The following FBXL17 variants were observed in gnomAD, a reference collection of about 807,000 sequenced individuals.
FBXL17 encodes F-box/LRR-repeat protein 17.
FBXL17 carries 22 observed loss-of-function variants against 66.2 expected under a neutral mutation model. The observed-to-expected ratio is 0.33, with a 90% CI of 0.24 to 0.47. FBXL17 has a LOEUF of 0.47. Ranked by LOEUF, FBXL17 falls within the 20% of genes least tolerant of loss-of-function variation. The pLI is 1.00. For synonymous variants in FBXL17, 474 were observed against 400.5 expected, an observed-to-expected ratio of 1.18 and a Z score of -2.19; for missense variants, 878 against 948.2, an observed-to-expected ratio of 0.93 and a Z score of 0.97.
intron 7 of FBXL17, among the ~76,000 whole-genome samples, chr5:108,006,521 G>T (rs961820265): frequency 5.9e-5 from 9 of 152,218 alleles, no homozygotes; most frequent in African/African-American, 1.7e-4. Flanking sequence ...CGAAGTGATA[G>T]AAATGATTGT....
intron 8 of FBXL17, chr5:107,879,416 G>A: frequency 2.0e-6 from 2 of 985,450 alleles, no homozygotes; most frequent in Non-Finnish European, 2.4e-6. Flanking sequence ...AGCGGCATTA[G>A]GTTGGTTAGT....
At chr5:108,017,425 ATTC>A (rs765831791) in intron 7 of FBXL17, among the ~76,000 whole-genome samples, 14 of 152,210 alleles carry the variant, frequency 9.2e-5, no homozygotes, top group Admixed American at 8.5e-4. Flanking sequence ...GAGAAGGCTA[ATTC>A]TTCTTCAGAG....
At chr5:108,320,239 G>A (rs1001346621) in intron 4 of FBXL17, among the ~76,000 whole-genome samples, 2 of 151,528 alleles carry the variant, frequency 1.3e-5, no homozygotes, top group South Asian at 2.1e-4. Flanking sequence ...GCAGCATACA[G>A]ACCCAAAGTG....
At chr5:108,182,383 T>C (rs1036273619) in intron 6 of FBXL17, among the ~76,000 whole-genome samples, 1 of 152,178 alleles carries the variant, frequency 6.6e-6, no homozygotes, top group African/African-American at 2.4e-5. Flanking sequence ...CCAATATAAC[T>C]ACAAATATTA....
At chr5:108,025,063 C>A (rs984051828) in intron 6 of FBXL17, among the ~76,000 whole-genome samples, 7 of 152,012 alleles carry the variant, frequency 4.6e-5, no homozygotes, top group Admixed American at 4.6e-4. Flanking sequence ...GTTTTTTTGT[C>A]TCCTACTCAA....
chr5:107,890,372 C>A (rs75140683), intron 7 of FBXL17, among the ~76,000 whole-genome samples: 1 of 149,470 alleles, frequency 6.7e-6, no homozygotes. Context: ...AAAAAAAAAA[C>A]TGTCTGAAGC....
At chr5:107,927,767 T>C (rs553129629) in intron 7 of FBXL17, among the ~76,000 whole-genome samples, 1 of 152,278 alleles carries the variant, frequency 6.6e-6, no homozygotes, top group Non-Finnish European at 1.5e-5. Flanking sequence ...TAATGATAAG[T>C]TGACACTCAA....
chr5:108,296,065 C>T (rs528952569), intron 4 of FBXL17, among the ~76,000 whole-genome samples: 179 of 150,454 alleles, frequency 1.2e-3, no homozygotes, highest in Non-Finnish European at 2.3e-3. Context: ...CAACATTACA[C>T]AATAAGCTCT....
At chr5:107,866,293 A>G in intron 8 of FBXL17, among the ~76,000 whole-genome samples, 1 of 152,160 alleles carries the variant, frequency 6.6e-6, no homozygotes, top group East Asian at 1.9e-4. Context: ...ATTTTTTTTT[A>G]ATATAAGAAA....
chr5:108,364,714 C>A, intron 3 of FBXL17, 24 bp downstream of exon 3: 2 of 1,556,810 alleles, frequency 1.3e-6, no homozygotes, highest in South Asian at 2.4e-5. Flanking sequence ...CAAGTAAAAT[C>A]ACTTTATAAA....
At chr5:108,304,682 A>T (rs1758753479) in intron 4 of FBXL17, among the ~76,000 whole-genome samples, 2 of 152,010 alleles carry the variant, frequency 1.3e-5, no homozygotes, top group Admixed American at 6.6e-5. Flanking sequence ...ATCTCTTACA[A>T]TTATCAATAC....
intron 4 of FBXL17, among the ~76,000 whole-genome samples, chr5:108,235,769 T>C (rs1416101546): frequency 6.6e-6 from 1 of 152,218 alleles, no homozygotes; most frequent in African/African-American, 2.4e-5. Flanking sequence ...TGTTCACTAC[T>C]CTAGCCCTAG....
At chr5:108,366,909 A>T (rs1474885910) in intron 2 of FBXL17, among the ~76,000 whole-genome samples, 1 of 152,146 alleles carries the variant, frequency 6.6e-6, no homozygotes, top group Non-Finnish European at 1.5e-5. Context: ...AGTGTGCTGG[A>T]GTTGGCTTGT....
intron 5 of FBXL17, among the ~76,000 whole-genome samples, chr5:108,204,534 G>C (rs1393305994): frequency 6.6e-6 from 1 of 152,104 alleles, no homozygotes; most frequent in Non-Finnish European, 1.5e-5. Flanking sequence ...GTACTGATTT[G>C]ATATAAATAA....
chr5:108,189,255 T>C (rs1258463876), intron 5 of FBXL17, among the ~76,000 whole-genome samples: 1 of 146,918 alleles, frequency 6.8e-6, no homozygotes, highest in Non-Finnish European at 1.5e-5. Context: ...GAAGTTCTCT[T>C]ACAAGCTCAT....
At chr5:107,980,664 A>ATATATATATATATTTTTTTTTTTTTT in intron 7 of FBXL17, among the ~76,000 whole-genome samples, 1 of 62,104 alleles carries the variant, frequency 1.6e-5, no homozygotes, top group African/African-American at 1.0e-4. Flanking sequence ...ATATATATAT[A>ATATATATATATATTTTTTTTTTTTTT]TTTTTTTTTT....
chr5:108,304,638 A>C (rs1004827996), intron 4 of FBXL17, among the ~76,000 whole-genome samples: 11 of 151,980 alleles, frequency 7.2e-5, no homozygotes, highest in East Asian at 1.9e-4. Context: ...TGCCAAAAAC[A>C]AAAATAAACT....
At chr5:108,374,289 TACTAC>T (rs1220383776) in intron 1 of FBXL17, among the ~76,000 whole-genome samples, 1 of 152,190 alleles carries the variant, frequency 6.6e-6, no homozygotes, top group Non-Finnish European at 1.5e-5. Context: ...AAGTCTAAAA[TACTAC>T]ACTACAAGTC....
chr5:108,304,100 A>G (rs1415427816), intron 4 of FBXL17, among the ~76,000 whole-genome samples: 1 of 151,870 alleles, frequency 6.6e-6, no homozygotes, highest in African/African-American at 2.4e-5. Flanking sequence ...ACCCATTTTA[A>G]TTTTATTACA....
Sources: gnomAD v4.1 joint callset for allele counts (sites outside exome capture counted in the v4.1 genomes callset) on GRCh38, gnomAD v4.1.1 for gene constraint, MANE v1.5 for transcripts, NCBI Gene and HGNC (gene_info 2026-07-23, HGNC 2026-07-21) for gene names.